ITPKB: variants seen among roughly 807,000 people sequenced by gnomAD.
The protein encoded by ITPKB is inositol-trisphosphate 3-kinase B, also known as IP3 3-kinase B.
ITPKB carries 13 observed loss-of-function variants against 69.4 expected under a neutral mutation model. That is an observed-to-expected ratio of 0.19 (90% CI 0.12 to 0.30). The LOEUF (loss-of-function observed/expected upper bound fraction) is 0.30. Ranked by LOEUF, ITPKB falls within the 10% of genes least tolerant of loss-of-function variation. The probability of loss-of-function intolerance (pLI) is 1.00; values close to 1 mark genes in which losing one functional copy is unlikely to be tolerated. For missense variants in ITPKB, 1,240 were observed against 1,250.5 expected (o/e 0.99, Z 0.13); for synonymous variants, 584 against 513.7 (o/e 1.14, Z -1.85).
At chr1:226,648,797 T>G in intron 2 of ITPKB, 26 bp from the exon 3 acceptor site, 94 of 1,441,660 alleles carry the variant, frequency 6.5e-5, no homozygotes, top group Non-Finnish European at 8.1e-5. Flanking sequence ...CAAAAAGCTC[T>G]ACATTAGAAA....
At chr1:226,730,149 G>C (rs1434794291) in intron 2 of ITPKB, among the ~76,000 whole-genome samples, 1 of 152,186 alleles carries the variant, frequency 6.6e-6, no homozygotes, top group Non-Finnish European at 1.5e-5. Flanking sequence ...GACCAGGTCA[G>C]CAGATTCTTC....
chr1:226,680,221 A>T (rs1238341813), intron 2 of ITPKB, among the ~76,000 whole-genome samples: 1 of 152,160 alleles, frequency 6.6e-6, no homozygotes, highest in African/African-American at 2.4e-5. Context: ...CCACCTCCCC[A>T]GCCTTTCCAT....
At chr1:226,715,768 G>A in intron 2 of ITPKB, among the ~76,000 whole-genome samples, 1 of 152,140 alleles carries the variant, frequency 6.6e-6, no homozygotes, top group East Asian at 1.9e-4. Context: ...TTCAAAACGT[G>A]CAAGATTTCC....
chr1:226,705,017 A>T (rs560502650), intron 2 of ITPKB, among the ~76,000 whole-genome samples: 1 of 152,376 alleles, frequency 6.6e-6, no homozygotes, highest in East Asian at 1.9e-4. Context: ...ATAGGAGATA[A>T]GAACAGCATC....
chr1:226,638,070 T>TG (rs1017400618), intron 6 of ITPKB, among the ~76,000 whole-genome samples: 3 of 152,184 alleles, frequency 2.0e-5, no homozygotes, highest in Non-Finnish European at 4.4e-5. Context: ...GCCAGCTCTG[T>TG]GGGTCTCACC....
Position 226,632,324 on chromosome 1 carries a change from C to T in ITPKB, c.*2347G>A, listed in dbSNP as rs1175008288. On this transcript the variant is annotated 3_prime_UTR_variant, in exon 8 of 8. Coordinates refer to ENST00000429204, the MANE Select transcript of ITPKB (RefSeq NM_002221.4). ...TGCACTGCCAGGACCCAAGGAGTCC[C>T]TGTGGTGACGAGGGCTGGGCAGGCA... The T allele has an allele frequency of 6.6e-6, 1 of 152,260 alleles. No homozygotes were observed. The highest frequency in any genetic ancestry group is 1.5e-5 in the Non-Finnish European group (1 of 68,074). 9.4% of individuals were successfully genotyped at this position (152,260 alleles called of 1,614,324 possible). A position where few individuals can be genotyped will look rare whatever the true frequency, so the allele number is the denominator to read the frequency against.
At chr1:226,694,608 A>T (rs1203037014) in intron 2 of ITPKB, among the ~76,000 whole-genome samples, 2 of 152,206 alleles carry the variant, frequency 1.3e-5, no homozygotes, top group Non-Finnish European at 2.9e-5. Flanking sequence ...TTCATAGTAA[A>T]GAAACTCAGG....
chr1:226,716,900 A>G (rs913966154), intron 2 of ITPKB, among the ~76,000 whole-genome samples: 2 of 152,246 alleles, frequency 1.3e-5, no homozygotes, highest in Non-Finnish European at 2.9e-5. Context: ...AAGCCCATAT[A>G]GAAAACAATA....
At chr1:226,695,921 G>A (rs959691866) in intron 2 of ITPKB, among the ~76,000 whole-genome samples, 11 of 152,100 alleles carry the variant, frequency 7.2e-5, no homozygotes, top group African/African-American at 2.7e-4. Flanking sequence ...GGGAGGAAAC[G>A]GATGCAAGGC....
At chr1:226,725,085 G>A (rs1657368740) in intron 2 of ITPKB, among the ~76,000 whole-genome samples, 1 of 152,192 alleles carries the variant, frequency 6.6e-6, no homozygotes, top group African/African-American at 2.4e-5. Flanking sequence ...TCTGCATTGT[G>A]CATGCCAGCA....
chr1:226,711,407 G>GAA (rs1656949582), intron 2 of ITPKB, among the ~76,000 whole-genome samples: 1 of 78,342 alleles, frequency 1.3e-5, no homozygotes, highest in Non-Finnish European at 2.7e-5. Context: ...TGTTTTGAAA[G>GAA]AGAGAGAGAG....
At chr1:226,679,832 G>T (rs1289223046) in intron 2 of ITPKB, among the ~76,000 whole-genome samples, 1 of 152,146 alleles carries the variant, frequency 6.6e-6, no homozygotes, top group African/African-American at 2.4e-5. Context: ...CGATTTTGCT[G>T]GGGAGAAGGT....
chr1:226,638,851 TTC>T (rs1180864148), intron 6 of ITPKB, among the ~76,000 whole-genome samples: 1 of 151,914 alleles, frequency 6.6e-6, no homozygotes, highest in Non-Finnish European at 1.5e-5. Context: ...GCGGGCACTG[TTC>T]TCTCTCTCAG....
At chr1:226,678,682 G>A (rs937751291) in intron 2 of ITPKB, among the ~76,000 whole-genome samples, 8 of 152,170 alleles carry the variant, frequency 5.3e-5, no homozygotes, top group Non-Finnish European at 1.2e-4. Flanking sequence ...ATCAGTCCTG[G>A]CCAGAGAGAA....
At chr1:226,710,482 C>G (rs748609732) in intron 2 of ITPKB, among the ~76,000 whole-genome samples, 5 of 152,174 alleles carry the variant, frequency 3.3e-5, no homozygotes, top group South Asian at 2.1e-4. Context: ...TACAGTGTTT[C>G]TTATTTGCTG....
chr1:226,659,195 G>A (rs1405519669), intron 2 of ITPKB, among the ~76,000 whole-genome samples: 2 of 152,118 alleles, frequency 1.3e-5, no homozygotes, highest in East Asian at 3.9e-4. Context: ...CTAGGCCAAG[G>A]GCAGCACCCA....
At chr1:226,705,482 T>C (rs2102633357) in intron 2 of ITPKB, among the ~76,000 whole-genome samples, 1 of 146,894 alleles carries the variant, frequency 6.8e-6, no homozygotes, top group South Asian at 2.1e-4. Context: ...TGAGCCAAGA[T>C]CGCACCATTG....
intron 2 of ITPKB, among the ~76,000 whole-genome samples, chr1:226,727,178 A>G (rs765486308): frequency 6.6e-6 from 1 of 152,236 alleles, no homozygotes; most frequent in Non-Finnish European, 1.5e-5. Flanking sequence ...ATTATATAAC[A>G]TATAAAAAGC....
intron 2 of ITPKB, among the ~76,000 whole-genome samples, chr1:226,650,265 A>G (rs1426627901): frequency 6.6e-6 from 1 of 152,226 alleles, no homozygotes; most frequent in Non-Finnish European, 1.5e-5. Context: ...GTTAAAATCT[A>G]TTTAAGGAGA....
Sources: allele counts gnomAD v4.1 joint callset (sites outside exome capture counted in the v4.1 genomes callset), GRCh38; gene constraint gnomAD v4.1.1; transcripts MANE v1.5; gene names NCBI Gene and HGNC (gene_info 2026-07-23, HGNC 2026-07-21).